Variants in GAK observed in about 807,000 individuals in gnomAD.
The protein encoded by GAK is cyclin G associated kinase.
A neutral mutation model predicts 143.9 loss-of-function variants in GAK; 79 were observed. The ratio of observed to expected loss-of-function variants is 0.55; its 90% CI spans 0.46 to 0.66. GAK has a LOEUF of 0.66. GAK is among the 30% of genes least tolerant of loss of function. GAK has a pLI of 0.00. For missense variants in GAK, 1,693 were observed against 1,779.7 expected (o/e 0.95, Z 0.88); for synonymous variants, 881 against 765.5 (o/e 1.15, Z -2.49).
chr4:897,684 C>T (rs1013552356), intron 6 of GAK, among the ~76,000 whole-genome samples: 6 of 152,228 alleles, frequency 3.9e-5, no homozygotes, highest in Admixed American at 3.3e-4. Context: ...ACATTGCTCA[C>T]GCCTGTAATC....
intron 18 of GAK, among the ~76,000 whole-genome samples, chr4:874,577 C>T (rs1222652030): frequency 1.3e-5 from 2 of 152,128 alleles, no homozygotes; most frequent in East Asian, 1.9e-4. Flanking sequence ...ATTCCCACCC[C>T]GTCCTGTCCT....
chr4:915,227 C>T (rs1405299184), intron 1 of GAK, among the ~76,000 whole-genome samples: 1 of 151,614 alleles, frequency 6.6e-6, no homozygotes, highest in Admixed American at 6.6e-5. Context: ...GTACATGGCC[C>T]CCCGCACTCA....
intron 27 of GAK, 58 bp from the exon 28 acceptor site, chr4:849,832 GGA>G: frequency 8.0e-7 from 1 of 1,256,602 alleles, no homozygotes; most frequent in Non-Finnish European, 1.1e-6. Context: ...GGGCGGGGCA[GGA>G]CCCCCCCCCC....
chr4:929,159 G>T (rs1005650686), intron 1 of GAK, among the ~76,000 whole-genome samples: 1 of 152,176 alleles, frequency 6.6e-6, no homozygotes, highest in African/African-American at 2.4e-5. Context: ...TGGCCCTGGG[G>T]GTGGGAGTAG....
chr4:909,127 G>C (rs896713700), intron 4 of GAK, among the ~76,000 whole-genome samples: 8 of 152,236 alleles, frequency 5.3e-5, no homozygotes. Context: ...GATTACAGGC[G>C]TGAGCCACCG....
In GAK at chr4:882,784, T is replaced by TG; in HGVS notation, c.1439dup (p.His481ThrfsTer81). ...AGATGTTGTACAGGGTGTGCAGGTG[T>TG]GGGGCCCGCCGTGCTGCCCAGCCAC... is the stretch of plus-strand genomic sequence containing the variant. On this transcript the variant is annotated frameshift_variant, in exon 14 of 28. Coordinates refer to ENST00000314167, the MANE Select transcript of GAK (RefSeq NM_005255.4). LOFTEE classifies it high-confidence loss of function. 1 of 1,610,334 alleles carries TG rather than the reference T, an allele frequency of 6.2e-7. No individual in the cohort carries two copies. The highest frequency in any genetic ancestry group is 8.5e-7 in the Non-Finnish European group (1 of 1,179,836).
chr4:910,310 C>G (rs1370825891), intron 4 of GAK, among the ~76,000 whole-genome samples: 1 of 141,158 alleles, frequency 7.1e-6, no homozygotes, highest in East Asian at 2.4e-4. Flanking sequence ...CAGAGCCCCC[C>G]GCTAAGTGCA....
chr4:874,496 C>T (rs897154517), intron 18 of GAK, among the ~76,000 whole-genome samples: 2 of 152,122 alleles, frequency 1.3e-5, no homozygotes, highest in Admixed American at 6.6e-5. Flanking sequence ...ATAGAATTCC[C>T]GTATTTTTCT....
chr4:883,938 CT>C, intron 12 of GAK, 98 bp downstream of exon 12: 1 of 1,201,070 alleles, frequency 8.3e-7, no homozygotes, highest in Middle Eastern at 2.2e-4. Context: ...ACAGAGAAGG[CT>C]GGAGCAGAGG....
chr4:849,840 C>G (rs1560264169), intron 27 of GAK, 52 bp downstream of exon 27: 6 of 1,162,996 alleles, frequency 5.2e-6, no homozygotes, highest in African/African-American at 3.2e-5. Context: ...CAGGACCCCC[C>G]CCCCGCCCCG....
intron 3 of GAK, 44 bp downstream of exon 3, chr4:912,691 T>C: frequency 6.5e-7 from 1 of 1,548,266 alleles, no homozygotes; most frequent in Non-Finnish European, 8.9e-7. Context: ...GGCCTGTGCC[T>C]GCCAAAGCCA....
chr4:878,028 G>A (rs1162905599), intron 15 of GAK, among the ~76,000 whole-genome samples: 3 of 151,862 alleles, frequency 2.0e-5, no homozygotes, highest in Admixed American at 6.6e-5. Flanking sequence ...TTAAAAATAC[G>A]CCCTAGTTGA....
chr4:892,818 G>A lies in GAK; in HGVS notation c.990+559C>T, dbSNP rs564892420. 1.1e-4 allele frequency among the ~76,000 whole-genome samples: 16 copies of A among 152,362 alleles called. No homozygotes were observed. In the South Asian group the frequency reaches 3.3e-3, roughly 32 times the overall value. ...AGCAATTCATGCTGTCCTGTCAGGG[G>A]AAGAATCTAGAAAGGCGCCTGCAAA... On this transcript the variant is annotated intron_variant, in intron 9 of 27. Coordinates refer to ENST00000314167, the MANE Select transcript of GAK (RefSeq NM_005255.4).
chr4:878,091 G>C (rs1714355997), intron 15 of GAK, among the ~76,000 whole-genome samples: 1 of 152,070 alleles, frequency 6.6e-6, no homozygotes, highest in Non-Finnish European at 1.5e-5. Flanking sequence ...GGGTTATTTA[G>C]AAGTTGCTTA....
At chr4:877,924 T>C in intron 15 of GAK, 115 bp from the exon 16 acceptor site, 1 of 821,002 alleles carries the variant, frequency 1.2e-6, no homozygotes, top group African/African-American at 1.7e-5. Context: ...GTAGCAATGT[T>C]TTAGTTGCTC....
chr4:915,666 C>T (rs1722993948), intron 1 of GAK: 1 of 152,168 alleles, frequency 6.6e-6, no homozygotes. Flanking sequence ...GGAAAAACTA[C>T]ATCATGAAAT....
At chr4:899,489 C>T (rs1719449327) in intron 5 of GAK, among the ~76,000 whole-genome samples, 1 of 152,204 alleles carries the variant, frequency 6.6e-6, no homozygotes, top group East Asian at 1.9e-4. Context: ...GCTCGGCATG[C>T]ACGCGGTCAG....
rs1722407226 is a variant in GAK at position 913,555 on chromosome 4, A to G, written c.207+52T>C. 3 of 1,352,236 alleles carry G rather than the reference A, an allele frequency of 2.2e-6. No homozygotes were observed. In the South Asian group the frequency reaches 3.5e-5, roughly 16 times the overall value. The allele number at this position is 1,352,236 out of a possible 1,614,324, so 83.8% of individuals were successfully genotyped here. On this transcript the variant is annotated intron_variant, in intron 2 of 27. Transcript: ENST00000314167. ...ATCCCTGAAAAGACTGTCACCAGAC[A>G]GTCCCTTTACATACGTCAGAAATCC...
At chr4:885,805 A>C in intron 11 of GAK, 1 of 149,936 alleles carries the variant, frequency 6.7e-6, no homozygotes, top group Non-Finnish European at 1.5e-5. Context: ...GGTCTTGCTC[A>C]CTCCAGGCCA....
Sources: allele counts gnomAD v4.1 joint callset (sites outside exome capture counted in the v4.1 genomes callset), GRCh38; gene constraint gnomAD v4.1.1; transcripts MANE v1.5; gene names NCBI Gene and HGNC (gene_info 2026-07-23, HGNC 2026-07-21).